The following ECM2 variants were observed in gnomAD, a reference collection of about 807,000 sequenced individuals.
ECM2 encodes extracellular matrix protein 2, female organ and adipocyte specific.
In ECM2, 57 loss-of-function variants were observed where a neutral mutation model predicts 67.5. That is an observed-to-expected ratio of 0.84 (90% CI 0.68 to 1.05). The LOEUF (loss-of-function observed/expected upper bound fraction) is 1.05, where lower values mean the gene tolerates loss of function less well. ECM2 is among the 50% of genes least tolerant of loss of function. The pLI is 0.00. For missense variants in ECM2, 741 were observed against 822.8 expected (o/e 0.90, Z 1.22); for synonymous variants, 258 against 294.5 (o/e 0.88, Z 1.27).
At chr9:92,500,639 G>A (rs1398989741) in intron 9 of ECM2, 88 bp downstream of exon 9, 11 of 1,351,546 alleles carry the variant, frequency 8.1e-6, no homozygotes, top group African/African-American at 7.4e-5. Context: ...TTCCCTTAAC[G>A]TAAATCCCAG....
intron 3 of ECM2, chr9:92,517,394 G>C: frequency 1.8e-6 from 1 of 560,698 alleles, no homozygotes; most frequent in Non-Finnish European, 3.2e-6. Flanking sequence ...TTCAGGATCT[G>C]TTGTAGAAAT....
intron 1 of ECM2, among the ~76,000 whole-genome samples, chr9:92,532,120 C>G (rs1252432978): frequency 6.8e-6 from 1 of 146,386 alleles, no homozygotes; most frequent in African/African-American, 2.6e-5. Context: ...CTCAACCTTT[C>G]GAGTAGCTGG....
At chr9:92,547,803 C>T in the ECM2 span, among the ~76,000 whole-genome samples, 9 of 152,084 alleles carry the variant, frequency 5.9e-5, no homozygotes, top group Non-Finnish European at 1.2e-4. Context: ...TTTTATGGTA[C>T]GTAAATTATA....
chr9:92,539,619 A>G (rs1849270724), upstream of ECM2, among the ~76,000 whole-genome samples: 1 of 152,046 alleles, frequency 6.6e-6, no homozygotes, highest in Admixed American at 6.6e-5. Context: ...AAGCAGGGTT[A>G]GTGGCTAGAT....
rs781662954 is a variant in ECM2 at position 92,500,979 on chromosome 9, T to G, written c.1679A>C (p.His560Pro). ...VPSYLPKSLL[H>P]LVLLGNQIER... is the part of the protein sequence containing the mutation. The stretch of plus-strand genomic sequence containing the variant: ...AATCTGGTTCCCAAGGAGTACTAGG[T>G]GCAGCAAGGACTTGGGTAGATAGGA... Residue 560 changes from histidine (H) to proline (P), a missense_variant, in exon 9 of 10, where the codon CAC becomes CCC. Coordinates refer to ENST00000344604, the MANE Select transcript of ECM2 (RefSeq NM_001393.4). 1 of 1,614,132 alleles carries G rather than the reference T, an allele frequency of 6.2e-7. No individual in the cohort carries two copies. The highest frequency in any genetic ancestry group is 8.5e-7 in the Non-Finnish European group (1 of 1,180,026).
At chr9:92,526,650 A>G (rs972715691) in intron 1 of ECM2, among the ~76,000 whole-genome samples, 11 of 151,996 alleles carry the variant, frequency 7.2e-5, no homozygotes, top group Non-Finnish European at 1.0e-4. Flanking sequence ...GATTAAAAAA[A>G]TCAAGAAGCC....
chr9:92,551,925 G>GTATATATATATA, the ECM2 span, among the ~76,000 whole-genome samples: 149 of 84,500 alleles, frequency 1.8e-3, 1 homozygote, highest in South Asian at 4.0e-3. Flanking sequence ...TGGTGTGTGT[G>GTATATATATATA]TATATATATA....
At chr9:92,502,452 G>A in intron 8 of ECM2, 61 bp downstream of exon 8, 1 of 1,575,026 alleles carries the variant, frequency 6.3e-7, no homozygotes, top group Non-Finnish European at 8.7e-7. Context: ...TCCATACTCT[G>A]TTTAATAATA....
At position 92,504,302 on chromosome 9, in the gene ECM2, C is replaced by G. The variant is rs144850883; in HGVS notation, c.1464+1231G>C. Among the ~76,000 whole-genome samples the G allele has an allele frequency of 1.9e-4, 29 of 152,248 alleles. 1 individual carries two copies. The East Asian group carries it at 4.4e-3, about 23-fold the overall frequency. On this transcript the variant is annotated intron_variant, in intron 7 of 9. Transcript: ENST00000344604. Reference sequence around the variant, plus strand: ...GTGTTACATAACTCTGTCACTTAATCTGGAAATAGGAAGAAGAGGAAGGGT... The same window carrying G: ...GTGTTACATAACTCTGTCACTTAATGTGGAAATAGGAAGAAGAGGAAGGGT...
intron 2 of ECM2, 47 bp downstream of exon 2, chr9:92,522,528 C>G: frequency 6.7e-7 from 1 of 1,499,968 alleles, no homozygotes; most frequent in South Asian, 1.4e-5. Context: ...CATACCATCT[C>G]TCACCCTCCT....
chr9:92,544,551 T>G, the ECM2 span, among the ~76,000 whole-genome samples: 2 of 152,190 alleles, frequency 1.3e-5, no homozygotes, highest in East Asian at 3.9e-4. Context: ...GGGTTTTTTT[T>G]TTTATCATGA....
intron 7 of ECM2, among the ~76,000 whole-genome samples, chr9:92,503,401 C>T (rs550558960): frequency 6.6e-6 from 1 of 152,304 alleles, no homozygotes; most frequent in East Asian, 1.9e-4. Flanking sequence ...GCCGAGCCTC[C>T]AGCTCCCAGG....
intron 1 of ECM2, among the ~76,000 whole-genome samples, chr9:92,532,902 T>C (rs1347549058): frequency 6.6e-6 from 1 of 152,150 alleles, no homozygotes; most frequent in Admixed American, 6.6e-5. Flanking sequence ...ATATTGTATA[T>C]GAAAATACTT....
At position 92,535,964 on chromosome 9, in the gene ECM2, G is replaced by A. The variant is rs1158179801; in HGVS notation, c.-59C>T. 2.0e-6 allele frequency: 1 copy of A among 508,606 alleles called. No homozygotes were observed. Among genetic ancestry groups the A allele is most frequent in the South Asian group, 1.5e-5 (1 of 68,400 alleles). The allele number at this position is 508,606 out of a possible 1,614,324, so 31.5% of individuals were successfully genotyped here. On this transcript the variant is annotated 5_prime_UTR_variant, in exon 1 of 10. Coordinates refer to ENST00000344604, the MANE Select transcript of ECM2 (RefSeq NM_001393.4). Reference sequence around the variant, plus strand: ...ATCTAAACTAAGTAGGCTTTGCTTGGTGTCATTTAAGTCTCCAGCTGAAAA... The same window carrying A: ...ATCTAAACTAAGTAGGCTTTGCTTGATGTCATTTAAGTCTCCAGCTGAAAA...
chr9:92,535,374 T>G (rs996652750), intron 1 of ECM2, among the ~76,000 whole-genome samples: 7 of 152,174 alleles, frequency 4.6e-5, no homozygotes, highest in African/African-American at 1.7e-4. Context: ...TAGAGGTAAA[T>G]TTTCTGGGAT....
Position 92,515,177 on chromosome 9 carries a change from C to A in ECM2, c.508G>T (p.Ala170Ser), listed in dbSNP as rs753862583. 1 of 1,602,544 alleles carries A rather than the reference C, an allele frequency of 6.2e-7. No homozygotes were observed. The highest frequency in any genetic ancestry group is 1.3e-5 in the African/African-American group (1 of 74,396). ...TVSYSLLSGI[A>S]LNDRNEFSGD... ...GAAAATTCATTTCTATCATTTAATGCTATACCACTGAGTAGAGAATAGGAG... is the reference window on the plus strand; with the variant it reads ...GAAAATTCATTTCTATCATTTAATGATATACCACTGAGTAGAGAATAGGAG... The change falls in exon 4 of 10, where the codon GCA (alanine) becomes TCA (serine). Residue 170 changes from alanine to serine, a missense_variant. Ala to Ser is a moderately conservative substitution (Grantham distance 99, BLOSUM62 1). Coordinates refer to ENST00000344604, the MANE Select transcript of ECM2 (RefSeq NM_001393.4).
At chr9:92,546,518 C>T in the ECM2 span, among the ~76,000 whole-genome samples, 1 of 152,096 alleles carries the variant, frequency 6.6e-6, no homozygotes, top group African/African-American at 2.4e-5. Context: ...AGACGCACCG[C>T]CTTAAGAGCT....
At chr9:92,523,851 G>C (rs1378902476) in intron 1 of ECM2, among the ~76,000 whole-genome samples, 1 of 152,196 alleles carries the variant, frequency 6.6e-6, no homozygotes, top group Non-Finnish European at 1.5e-5. Context: ...ACATAACGGC[G>C]ATAAGAAGGC....
chr9:92,516,984 A>G (rs940199783), intron 3 of ECM2: 2 of 152,054 alleles, frequency 1.3e-5, no homozygotes, highest in African/African-American at 4.8e-5. Flanking sequence ...TTATTTGCTT[A>G]TTTTCATAAG....
Sources: allele counts gnomAD v4.1 joint callset (sites outside exome capture counted in the v4.1 genomes callset), GRCh38; gene constraint gnomAD v4.1.1; transcripts MANE v1.5; gene names NCBI Gene and HGNC (gene_info 2026-07-23, HGNC 2026-07-21).